Variants in ERGIC1 observed in about 807,000 individuals in gnomAD.
The protein encoded by ERGIC1 is endoplasmic reticulum-Golgi intermediate compartment protein 1.
In ERGIC1, 19 loss-of-function variants were observed where a neutral mutation model predicts 38.3. That is an observed-to-expected ratio of 0.50 (90% CI 0.35 to 0.73). The LOEUF is 0.73. ERGIC1 is among the 30% of genes least tolerant of loss of function. The pLI is 0.01. For synonymous variants in ERGIC1, 124 were observed against 157.6 expected, an observed-to-expected ratio of 0.79 and a Z score of 1.60; for missense variants, 294 against 389.2, an observed-to-expected ratio of 0.76 and a Z score of 2.06.
rs1206272422 is a variant in ERGIC1, at chr5:172,952,234, G to A, written c.*1418G>A. ...GAAGGATTTTTAAAATTATCTTATG[G>A]ATAGCTCAAGTCTCTGCCATTTGTA... On this transcript the variant is annotated 3_prime_UTR_variant, in exon 10 of 10. Transcript: ENST00000393784. The A allele has an allele frequency of 6.6e-6, 1 of 152,168 alleles. No homozygotes were observed. The highest frequency in any genetic ancestry group is 6.5e-5 in the Admixed American group (1 of 15,272). 9.4% of individuals were successfully genotyped at this position (152,168 alleles called of 1,614,324 possible).
At chr5:172,893,939 A>ATATATATG (rs1762647835) in intron 2 of ERGIC1, among the ~76,000 whole-genome samples, 1 of 35,774 alleles carries the variant, frequency 2.8e-5, no homozygotes, top group African/African-American at 6.7e-5. Context: ...GTGTGTGTAT[A>ATATATATG]TATATATATA....
At chr5:172,930,153 A>G (rs1359913058) in intron 7 of ERGIC1, among the ~76,000 whole-genome samples, 10 of 147,238 alleles carry the variant, frequency 6.8e-5, no homozygotes, top group Non-Finnish European at 1.3e-4. Flanking sequence ...GTGCCACTGC[A>G]CTCCAGCCTG....
At chr5:172,865,960 A>T (rs1203497406) in intron 1 of ERGIC1, among the ~76,000 whole-genome samples, 2 of 151,952 alleles carry the variant, frequency 1.3e-5, no homozygotes, top group Non-Finnish European at 2.9e-5. Context: ...TTCCATTTTG[A>T]CCCATCTCCA....
At chr5:172,932,284 G>A in intron 7 of ERGIC1, 152 bp from the exon 8 acceptor site, 3 of 679,224 alleles carry the variant, frequency 4.4e-6, no homozygotes, top group South Asian at 3.5e-5. Context: ...GGTATCCAAG[G>A]GGAGAAGATG....
Position 172,932,556 on chromosome 5 carries a change from G to A in ERGIC1, c.642+20G>A, listed in dbSNP as rs1353287810. 1 of 1,611,794 alleles carries A rather than the reference G, an allele frequency of 6.2e-7. No individual in the cohort carries two copies. Among genetic ancestry groups the A allele is most frequent in the Admixed American group, 1.7e-5 (1 of 59,868 alleles). Reference sequence around the variant, plus strand: ...AACAAGGTGCGCGGGCGGTGGCTGGGCCGAGCTGTGTGCGGCGGCGCCCTC... The same window carrying A: ...AACAAGGTGCGCGGGCGGTGGCTGGACCGAGCTGTGTGCGGCGGCGCCCTC... On this transcript the variant is annotated intron_variant, in intron 8 of 9. Coordinates refer to ENST00000393784, the MANE Select transcript of ERGIC1 (RefSeq NM_001031711.3).
At chr5:172,881,457 A>G (rs1762282072) in intron 1 of ERGIC1, among the ~76,000 whole-genome samples, 1 of 152,206 alleles carries the variant, frequency 6.6e-6, no homozygotes, top group Non-Finnish European at 1.5e-5. Context: ...CGAGGAGGGC[A>G]GTAGAGGAAA....
intron 1 of ERGIC1, among the ~76,000 whole-genome samples, chr5:172,858,327 T>C (rs1356320907): frequency 3.4e-4 from 51 of 152,124 alleles, no homozygotes; most frequent in Admixed American, 3.3e-3. Flanking sequence ...TAAAACACCG[T>C]AAGGAGTTTA....
chr5:172,834,517 T>G lies in ERGIC1; in HGVS notation c.20+84T>G. On this transcript the variant is annotated intron_variant, in intron 1 of 9. Coordinates refer to ENST00000393784, the MANE Select transcript of ERGIC1 (RefSeq NM_001031711.3). This position sits in a 1 kb window ranked among gnomAD's most constrained non-coding sequence, Gnocchi z 4.1. The stretch of plus-strand genomic sequence containing the variant: ...GGCACGCCGCGGACCCCTCCCGCCC[T>G]GCATGCAAAAGCGGCTCCCCGCCCT... 1 of 1,208,668 alleles carries G rather than the reference T, an allele frequency of 8.3e-7. No homozygotes were observed. Among genetic ancestry groups the G allele is most frequent in the Non-Finnish European group, 1.0e-6 (1 of 965,618 alleles). 74.9% of individuals were successfully genotyped at this position (1,208,668 alleles called of 1,614,324 possible).
At chr5:172,900,294 AGT>A (rs1183753406) in intron 3 of ERGIC1, among the ~76,000 whole-genome samples, 2 of 152,190 alleles carry the variant, frequency 1.3e-5, no homozygotes, top group African/African-American at 4.8e-5. Flanking sequence ...TGAAGAGCAC[AGT>A]GTGTTCCCAC....
At chr5:172,937,309 G>A (rs793228) in intron 9 of ERGIC1, 115,019 of 152,110 alleles carry the variant, frequency 0.76, 44,348 homozygotes, top group African/African-American at 0.87. Flanking sequence ...CACAGAGGAG[G>A]TGATATTGGC....
Position 172,941,933 on chromosome 5 carries a change from G to A in ERGIC1, c.765+6623G>A, listed in dbSNP as rs1042031924. 2.6e-5 allele frequency among the ~76,000 whole-genome samples: 4 copies of A among 152,186 alleles called. No homozygotes were observed. In the East Asian group the frequency reaches 5.8e-4, roughly 22 times the overall value. ...TTAAGAAGAATTGACAAGGCCGGGC[G>A]CAGTGGCTCACGCCTGTAATCCCAG... On this transcript the variant is annotated intron_variant, in intron 9 of 9. Transcript: ENST00000393784.
intron 1 of ERGIC1, among the ~76,000 whole-genome samples, chr5:172,844,633 A>G (rs1756813247): frequency 6.6e-6 from 1 of 152,190 alleles, no homozygotes; most frequent in African/African-American, 2.4e-5. Flanking sequence ...CTTTGGGCAC[A>G]GGCAGCCTCG....
At chr5:172,888,532 G>T (rs1190351148) in intron 1 of ERGIC1, among the ~76,000 whole-genome samples, 167 bp from the exon 2 acceptor site, 1 of 152,182 alleles carries the variant, frequency 6.6e-6, no homozygotes, top group Non-Finnish European at 1.5e-5. Context: ...GGGAGCAGGG[G>T]TTCCATCAGA....
At chr5:172,883,684 G>T (rs956648486) in intron 1 of ERGIC1, among the ~76,000 whole-genome samples, 1 of 152,164 alleles carries the variant, frequency 6.6e-6, no homozygotes, top group African/African-American at 2.4e-5. Flanking sequence ...TCTTCACCTG[G>T]TTAAGATGAT....
intron 1 of ERGIC1, among the ~76,000 whole-genome samples, chr5:172,871,438 C>A (rs1762004891): frequency 1.3e-5 from 2 of 152,238 alleles, no homozygotes; most frequent in African/African-American, 4.8e-5. Context: ...ATCTCCTTGT[C>A]TGATGAGCCC....
At position 172,869,969 on chromosome 5, in the gene ERGIC1, A is replaced by G. The variant is rs543430815; in HGVS notation, c.21-18730A>G. On this transcript the variant is annotated intron_variant, in intron 1 of 9. Coordinates refer to ENST00000393784, the MANE Select transcript of ERGIC1 (RefSeq NM_001031711.3). ...TCTCAGCCTTACCAGCCTGGCAGCCACTAGACTTGATCCCTGAGATGAAAC... is the reference window on the plus strand; with the variant it reads ...TCTCAGCCTTACCAGCCTGGCAGCCGCTAGACTTGATCCCTGAGATGAAAC... 3.9e-5 allele frequency among the ~76,000 whole-genome samples: 6 copies of G among 152,342 alleles called. No individual in the cohort carries two copies. In the South Asian group the frequency reaches 1.2e-3, roughly 32 times the overall value.
At chr5:172,879,963 C>G (rs944461580) in intron 1 of ERGIC1, among the ~76,000 whole-genome samples, 10 of 152,182 alleles carry the variant, frequency 6.6e-5, no homozygotes, top group African/African-American at 1.9e-4. Context: ...GGCAAAACCT[C>G]TCCTTACATG....
chr5:172,883,664 G>A (rs772075779), intron 1 of ERGIC1, among the ~76,000 whole-genome samples: 2 of 152,126 alleles, frequency 1.3e-5, no homozygotes, highest in Non-Finnish European at 2.9e-5. Context: ...CATGCTTCCG[G>A]TGCCCACTGT....
intron 3 of ERGIC1, 31 bp from the exon 4 acceptor site, chr5:172,909,636 A>C: frequency 6.2e-7 from 1 of 1,603,902 alleles, no homozygotes; most frequent in Non-Finnish European, 8.5e-7. Flanking sequence ...CGCCATCTCA[A>C]CAAAGGTTCC....
Sources: allele counts gnomAD v4.1 joint callset (sites outside exome capture counted in the v4.1 genomes callset), GRCh38; gene constraint gnomAD v4.1.1; non-coding constraint Gnocchi (gnomAD v3.1); transcripts MANE v1.5; gene names NCBI Gene and HGNC (gene_info 2026-07-23, HGNC 2026-07-21).